The following ARHGEF35 variants were observed in gnomAD, a reference collection of about 807,000 sequenced individuals.
ARHGEF35 encodes Rho guanine nucleotide exchange factor (GEF) 35.
For synonymous variants in ARHGEF35, 47 were observed against 170.4 expected (o/e 0.28, Z 5.64); for missense variants, 114 against 449.7 (o/e 0.25, Z 6.75).
chr7:144,191,435 T>C (rs2052002955), intron 1 of ARHGEF35, among the ~76,000 whole-genome samples: 1 of 96,570 alleles, frequency 1.0e-5, no homozygotes, highest in Admixed American at 1.2e-4. Context: ...CTCCTCTGCC[T>C]GGAATCCTCT....
rs1361939879 is a variant in ARHGEF35, at chr7:144,186,719, C to A, written c.*210G>T. On this transcript the variant is annotated 3_prime_UTR_variant, in exon 2 of 2. Coordinates refer to ENST00000378115, the MANE Select transcript of ARHGEF35 (RefSeq NM_001003702.3). ...TCCTAGGCCCTAAAACTCGCCACAA[C>A]AAATTTAAAAGAGATAGTAATCATC... The A allele has an allele frequency of 3.7e-5, 19 of 517,386 alleles. No homozygotes were observed. Among genetic ancestry groups the A allele is most frequent in the Non-Finnish European group, 5.8e-5 (18 of 310,314 alleles). 32.0% of individuals were successfully genotyped at this position (517,386 alleles called of 1,614,324 possible).
rs2051983041 is a variant in ARHGEF35, at chr7:144,189,692, G to T, written c.-12-1297C>A. 6.8e-5 allele frequency among the ~76,000 whole-genome samples: 7 copies of T among 102,322 alleles called. No homozygotes were observed. In the Admixed American group the frequency reaches 7.8e-4, roughly 11 times the overall value. The allele number at this position is 102,322 out of a possible 152,430, so 67.1% of individuals were successfully genotyped here. A position where few individuals can be genotyped will look rare whatever the true frequency, so the allele number is the denominator to read the frequency against. On this transcript the variant is annotated intron_variant, in intron 1 of 1. Coordinates refer to ENST00000378115, the MANE Select transcript of ARHGEF35 (RefSeq NM_001003702.3). ...AAGACCTTATGGATCTTCACTTTGG[G>T]TGGTTCTTGTCAGTATTTGACAGTA...
At chr7:144,191,354 C>CCT (rs2052001442) in intron 1 of ARHGEF35, among the ~76,000 whole-genome samples, 1 of 69,610 alleles carries the variant, frequency 1.4e-5, no homozygotes, top group South Asian at 6.8e-4. Context: ...TCCCCCCCCC[C>CCT]CCCACTGGCT....
rs773119928 is a variant in ARHGEF35 at position 144,187,047 on chromosome 7, G to C, written c.1337C>G (p.Pro446Arg). The part of the protein sequence containing the change: ...QTESRAEELS[P>R]AALSPLLEPI... ...CTCTAGCAAGGGAGACAGAGCTGCG[G>C]GGGACAGTTCCTCAGCCCTGGACTC... Residue 446 changes from proline to arginine, a missense_variant, in exon 2 of 2, where the codon CCC (proline) becomes CGC (arginine). Pro to Arg is a moderately radical substitution (Grantham distance 103). Coordinates refer to ENST00000378115, the MANE Select transcript of ARHGEF35 (RefSeq NM_001003702.3). 1.9e-6 allele frequency: 3 copies of C among 1,544,600 alleles called. No homozygotes were observed. The highest frequency in any genetic ancestry group is 2.7e-6 in the Non-Finnish European group (3 of 1,123,250).
At position 144,186,670 on chromosome 7, in the gene ARHGEF35, G is replaced by T. The variant is rs1402155186; in HGVS notation, c.*259C>A. The T allele has an allele frequency of 9.2e-6, 3 of 325,592 alleles. No individual in the cohort carries two copies. In the Admixed American group the frequency reaches 1.5e-4, roughly 16 times the overall value. The allele number at this position is 325,592 out of a possible 1,614,324, so 20.2% of individuals were successfully genotyped here. ...ACACATATTTTTTTTGAGTGCTGAC[G>T]AAACACATGGCAAGATAGAGCTGTC... On this transcript the variant is annotated 3_prime_UTR_variant, in exon 2 of 2. Transcript: ENST00000378115.
intron 1 of ARHGEF35, among the ~76,000 whole-genome samples, chr7:144,193,915 G>A (rs1319030148): frequency 2.4e-4 from 34 of 144,186 alleles, no homozygotes; most frequent in Middle Eastern, 7.3e-3. Context: ...ATAAGTGATC[G>A]GCTCCTGCTT....
rs771178813 is a variant in ARHGEF35 at position 144,187,054 on chromosome 7, G to T, written c.1330C>A (p.Leu444Met). ...AAGGGAGACAGAGCTGCGGGGGACA[G>T]TTCCTCAGCCCTGGACTCTGTCTGA... is the stretch of plus-strand genomic sequence containing the variant. The part of the protein sequence containing the change: ...GTQTESRAEE[L>M]SPAALSPLLE... The change falls in exon 2 of 2, where the codon CTG (leucine) becomes ATG (methionine). Residue 444 changes from leucine (L) to methionine (M), a missense_variant. Coordinates refer to ENST00000378115, the MANE Select transcript of ARHGEF35 (RefSeq NM_001003702.3). The T allele has an allele frequency of 1.3e-6, 2 of 1,544,052 alleles. No homozygotes were observed. The highest frequency in any genetic ancestry group is 1.8e-6 in the Non-Finnish European group (2 of 1,123,104).
chr7:144,189,898 C>T (rs1487912607), intron 1 of ARHGEF35, among the ~76,000 whole-genome samples: 2 of 134,854 alleles, frequency 1.5e-5, no homozygotes, highest in African/African-American at 5.8e-5. Flanking sequence ...CCTCCACCTC[C>T]GGGTTCAAGC....
chr7:144,189,802 CTTTCTTTTTTTTTTTTT>C (rs2051984371), intron 1 of ARHGEF35, among the ~76,000 whole-genome samples: 1 of 113,654 alleles, frequency 8.8e-6, no homozygotes, highest in Non-Finnish European at 1.8e-5. Flanking sequence ...CTTTTTTTTT[CTTTCTTTTTTTTTTTTT>C]TTTTTGAGAT....
At position 144,187,525 on chromosome 7, in the gene ARHGEF35, G is replaced by GTCTCCCAAGCATCACA; in HGVS notation, c.843_858dup (p.Gln287CysfsTer21). The GTCTCCCAAGCATCACA allele has an allele frequency of 1.8e-6, 2 of 1,131,492 alleles. No homozygotes were observed. Among genetic ancestry groups the GTCTCCCAAGCATCACA allele is most frequent in the Non-Finnish European group, 2.6e-6 (2 of 770,532 alleles). 70.1% of individuals were successfully genotyped at this position (1,131,492 alleles called of 1,614,324 possible). ...CCAGTGAGCCCCATTCTTTCTCCTT[G>GTCTCCCAAGCATCACA]TCTCCCAAGCATCACATCTTGTACC... is the stretch of plus-strand genomic sequence containing the variant. On this transcript the variant is annotated frameshift_variant, in exon 2 of 2. Transcript: ENST00000378115. LOFTEE classifies it low-confidence loss of function (END_TRUNC).
chr7:144,187,062 G>A lies in ARHGEF35; in HGVS notation c.1322C>T (p.Ala441Val). ...CAGAGCTGCGGGGGACAGTTCCTCA[G>A]CCCTGGACTCTGTCTGAGTCCCGGG... ...QIPGTQTESRAEELSPAALSP... is the reference protein window; with the variant it reads ...QIPGTQTESRVEELSPAALSP... Residue 441 changes from alanine (A) to valine (V), a missense_variant, in exon 2 of 2, where the codon GCT becomes GTT. Physicochemically the swap from Ala to Val is moderately conservative, Grantham distance 64. Coordinates refer to ENST00000378115, the MANE Select transcript of ARHGEF35 (RefSeq NM_001003702.3). 6.5e-7 allele frequency: 1 copy of A among 1,543,852 alleles called. No individual in the cohort carries two copies. The highest frequency in any genetic ancestry group is 2.2e-5 in the East Asian group (1 of 44,790).
At chr7:144,189,924 GC>G (rs2051986640) in intron 1 of ARHGEF35, among the ~76,000 whole-genome samples, 1 of 134,872 alleles carries the variant, frequency 7.4e-6, no homozygotes, top group Non-Finnish European at 1.6e-5. Context: ...TCCTGCCTCA[GC>G]CTCCCGAGTA....
At position 144,186,398 on chromosome 7, in the gene ARHGEF35, T is replaced by C. The variant is rs1489492245; in HGVS notation, c.*531A>G. On this transcript the variant is annotated 3_prime_UTR_variant, in exon 2 of 2. Transcript: ENST00000378115. Reference sequence around the variant, plus strand: ...AATTTCCTCATGCCTTTTTCAATAATTGATAGAACTAGACAGAAAATCAGC... The same window carrying C: ...AATTTCCTCATGCCTTTTTCAATAACTGATAGAACTAGACAGAAAATCAGC... 1 of 147,904 alleles carries C rather than the reference T, an allele frequency of 6.8e-6. No homozygotes were observed. The highest frequency in any genetic ancestry group is 1.4e-5 in the Non-Finnish European group (1 of 69,272). The allele number at this position is 147,904 out of a possible 1,614,324, so 9.2% of individuals were successfully genotyped here.
chr7:144,186,924 A>T lies in ARHGEF35; in HGVS notation c.*5T>A, dbSNP rs775455159. On this transcript the variant is annotated 3_prime_UTR_variant, in exon 2 of 2. Coordinates refer to ENST00000378115, the MANE Select transcript of ARHGEF35 (RefSeq NM_001003702.3). Reference sequence around the variant, plus strand: ...TGAACTGGATAAACATGAAACTGTGACATATCAAAGTACTGATAGAAGTTT... The same window carrying T: ...TGAACTGGATAAACATGAAACTGTGTCATATCAAAGTACTGATAGAAGTTT... 9 of 1,475,112 alleles carry T rather than the reference A, an allele frequency of 6.1e-6. 1 individual carries two copies. In the African/African-American group the frequency reaches 1.3e-4, roughly 22 times the overall value. The allele number at this position is 1,475,112 out of a possible 1,614,324, so 91.4% of individuals were successfully genotyped here.
intron 1 of ARHGEF35, among the ~76,000 whole-genome samples, chr7:144,190,429 G>T (rs1476164504): frequency 7.2e-6 from 1 of 138,876 alleles, no homozygotes; most frequent in East Asian, 1.9e-4. Context: ...CTAAAATCAT[G>T]ATTAACAGTT....
In ARHGEF35 at chr7:144,187,656, TC is replaced by T; in HGVS notation, c.727del (p.Glu243LysfsTer4). 2 of 549,120 alleles carry T rather than the reference TC, an allele frequency of 3.6e-6. No individual in the cohort carries two copies. Among genetic ancestry groups the T allele is most frequent in the East Asian group, 2.8e-5 (1 of 35,110 alleles). 34.0% of individuals were successfully genotyped at this position (549,120 alleles called of 1,614,324 possible). ...ACAAACATCCTCCCTCAGAGTTCCT[TC>T]CCCCCGAAATCCTGCTTCCTGCTGT... ...QGQQEAGFRG[E>X]GTLREDVCAD... On this transcript the variant is annotated frameshift_variant, in exon 2 of 2. Coordinates refer to ENST00000378115, the MANE Select transcript of ARHGEF35 (RefSeq NM_001003702.3). LOFTEE classifies it low-confidence loss of function (END_TRUNC).
chr7:144,191,344 T>TC (rs17134817), intron 1 of ARHGEF35, among the ~76,000 whole-genome samples: 465 of 29,642 alleles, frequency 0.016, 2 homozygotes, highest in Non-Finnish European at 0.02. Flanking sequence ...CCTGCCCCCA[T>TC]CCCCCCCCCC....
At chr7:144,193,793 C>A (rs2052020062) in intron 1 of ARHGEF35, among the ~76,000 whole-genome samples, 1 of 141,680 alleles carries the variant, frequency 7.1e-6, no homozygotes, top group Non-Finnish European at 1.6e-5. Context: ...ACTCTACAAT[C>A]TCATCTGTGG....
intron 1 of ARHGEF35, among the ~76,000 whole-genome samples, chr7:144,192,152 G>A (rs1312746906): frequency 4.0e-5 from 5 of 125,908 alleles, no homozygotes; most frequent in Admixed American, 7.4e-5. Flanking sequence ...GCACCTGACC[G>A]TGCACCTTTC....
Sources: gnomAD v4.1 joint callset for allele counts (sites outside exome capture counted in the v4.1 genomes callset) on GRCh38, gnomAD v4.1.1 for gene constraint, MANE v1.5 for transcripts, NCBI Gene and HGNC (gene_info 2026-07-23, HGNC 2026-07-21) for gene names.